The following RNF220 variants were observed in gnomAD, a reference collection of about 807,000 sequenced individuals.
RNF220 encodes the protein E3 ubiquitin-protein ligase RNF220.
In RNF220, 7 loss-of-function variants were observed where a neutral mutation model predicts 67.1. The ratio of observed to expected loss-of-function variants is 0.10; its 90% CI spans 0.06 to 0.20. The LOEUF (loss-of-function observed/expected upper bound fraction) is 0.20, where lower values mean the gene tolerates loss of function less well. Among genes scored for constraint, RNF220 ranks in the 10% least tolerant of loss-of-function variants. The pLI, the probability that RNF220 is intolerant of heterozygous loss-of-function variation, is 1.00. For synonymous variants in RNF220, 270 were observed against 283.2 expected (o/e 0.95, Z 0.47); for missense variants, 565 against 740.3 (o/e 0.76, Z 2.75).
chr1:44,501,652 A>G (rs1657892983), intron 2 of RNF220, among the ~76,000 whole-genome samples: 1 of 152,092 alleles, frequency 6.6e-6, no homozygotes, highest in Non-Finnish European at 1.5e-5. Flanking sequence ...TAAGCCAGGA[A>G]AGAATGAAGT....
chr1:44,423,352 C>T (rs1411491845), intron 2 of RNF220, among the ~76,000 whole-genome samples: 1 of 152,202 alleles, frequency 6.6e-6, no homozygotes, highest in Non-Finnish European at 1.5e-5. Context: ...TGTTCCCTGG[C>T]AGGGCCTGAG....
At chr1:44,408,362 T>G (rs1214330108) in intron 1 of RNF220, among the ~76,000 whole-genome samples, 1 of 152,218 alleles carries the variant, frequency 6.6e-6, no homozygotes, top group Non-Finnish European at 1.5e-5. Context: ...AACACAGGCG[T>G]CGGCCCTAGC....
At chr1:44,591,152 C>T (rs1269815790) in intron 2 of RNF220, among the ~76,000 whole-genome samples, 2 of 152,132 alleles carry the variant, frequency 1.3e-5, no homozygotes, top group African/African-American at 4.8e-5. Flanking sequence ...AAGGTTTCAC[C>T]ATGTTGGCCA....
At chr1:44,618,460 T>G (rs1310868716) in intron 3 of RNF220, among the ~76,000 whole-genome samples, 1 of 152,198 alleles carries the variant, frequency 6.6e-6, no homozygotes, top group Non-Finnish European at 1.5e-5. Context: ...ACTTTTCCAT[T>G]TGAGATCAGA....
chr1:44,511,051 G>A (rs1658950462), intron 2 of RNF220, among the ~76,000 whole-genome samples: 2 of 152,164 alleles, frequency 1.3e-5, no homozygotes, highest in Non-Finnish European at 2.9e-5. Context: ...GGACCTTTTG[G>A]TGAGGCAAGG....
intron 2 of RNF220, among the ~76,000 whole-genome samples, chr1:44,503,402 C>T (rs1658118028): frequency 6.6e-6 from 1 of 151,396 alleles, no homozygotes; most frequent in Non-Finnish European, 1.5e-5. Context: ...ACGTGTCCCA[C>T]CAAGCAAAAA....
chr1:44,520,128 T>TGTGTGA (rs796131470), intron 2 of RNF220, among the ~76,000 whole-genome samples: 4,092 of 113,192 alleles, frequency 0.036, 100 homozygotes, highest in South Asian at 0.062. Flanking sequence ...TGTGTGTGTG[T>TGTGTGA]GAGAGAGAGA....
At chr1:44,557,938 C>T (rs1306919654) in intron 2 of RNF220, among the ~76,000 whole-genome samples, 1 of 152,228 alleles carries the variant, frequency 6.6e-6, no homozygotes, top group Non-Finnish European at 1.5e-5. Flanking sequence ...TGCGTCTTCT[C>T]CAGGGTGGGA....
At chr1:44,597,860 G>A (rs543466573) in intron 2 of RNF220, among the ~76,000 whole-genome samples, 148 of 151,862 alleles carry the variant, frequency 9.7e-4, no homozygotes, top group South Asian at 1.9e-3. Flanking sequence ...TCCTCAGTGC[G>A]CTATCTCCAG....
intron 2 of RNF220, among the ~76,000 whole-genome samples, chr1:44,581,676 A>T (rs2148346071): frequency 1.3e-5 from 2 of 152,174 alleles, no homozygotes; most frequent in African/African-American, 4.8e-5. Flanking sequence ...TGCAAAGAGG[A>T]GGCAAAGGAC....
At chr1:44,448,775 C>T (rs1422270024) in intron 2 of RNF220, among the ~76,000 whole-genome samples, 3 of 152,012 alleles carry the variant, frequency 2.0e-5, no homozygotes, top group Admixed American at 6.5e-5. Context: ...TTTTTAAGAC[C>T]CACAATTCAA....
upstream of RNF220, among the ~76,000 whole-genome samples, chr1:44,404,839 CAG>C (rs201779496): frequency 7.4e-3 from 1,130 of 152,156 alleles, 15 homozygotes; most frequent in African/African-American, 0.026. Flanking sequence ...TGGGAAAAGA[CAG>C]AGATTTTGAG....
intron 2 of RNF220, among the ~76,000 whole-genome samples, chr1:44,524,284 C>T (rs1660182643): frequency 6.6e-6 from 1 of 152,126 alleles, no homozygotes; most frequent in African/African-American, 2.4e-5. Context: ...GATAATTAGT[C>T]CATTACGACT....
intron 1 of RNF220, among the ~76,000 whole-genome samples, chr1:44,406,615 G>A (rs1372142808): frequency 6.6e-6 from 1 of 152,232 alleles, no homozygotes; most frequent in African/African-American, 2.4e-5. Context: ...TTGTCAGCCC[G>A]GGCCGAGCGA....
intron 2 of RNF220, among the ~76,000 whole-genome samples, chr1:44,524,356 C>T (rs1558010127): frequency 6.6e-6 from 1 of 152,120 alleles, no homozygotes; most frequent in Non-Finnish European, 1.5e-5. Context: ...TGTAATTCAA[C>T]TTCCTGTGTT....
rs1450734825 is a variant in RNF220 at position 44,621,585 on chromosome 1, CT to C, written c.759-1156del. Among the ~76,000 whole-genome samples the C allele has an allele frequency of 4.6e-5, 7 of 152,200 alleles. No individual in the cohort carries two copies. The highest frequency in any genetic ancestry group is 8.8e-5 in the Non-Finnish European group (6 of 68,046). Reference sequence around the variant, plus strand: ...GGTGAACATCCCTTCCCCTTCTCCCCTGTCCCCCACTGAGAGTCACTGCTGC... The same window carrying C: ...GGTGAACATCCCTTCCCCTTCTCCCCGTCCCCCACTGAGAGTCACTGCTGC... On this transcript the variant is annotated intron_variant, in intron 3 of 14. Coordinates refer to ENST00000361799, the MANE Select transcript of RNF220 (RefSeq NM_018150.4). The surrounding 1 kb of genome is among the most constrained non-coding windows in gnomAD (Gnocchi z 4.8).
At chr1:44,555,788 T>A (rs544302728) in intron 2 of RNF220, among the ~76,000 whole-genome samples, 1 of 150,574 alleles carries the variant, frequency 6.6e-6, no homozygotes, top group African/African-American at 2.5e-5. Flanking sequence ...ATGTACCAAT[T>A]TATTTTTACC....
At chr1:44,513,054 T>A (rs1030239319) in intron 2 of RNF220, among the ~76,000 whole-genome samples, 2 of 152,200 alleles carry the variant, frequency 1.3e-5, no homozygotes, top group African/African-American at 4.8e-5. Context: ...CTTCTCTGAC[T>A]CTCTGCCCCC....
At chr1:44,543,761 G>T (rs140957781) in intron 2 of RNF220, among the ~76,000 whole-genome samples, 97 of 152,226 alleles carry the variant, frequency 6.4e-4, no homozygotes, top group African/African-American at 2.0e-3. Flanking sequence ...AACCCCAAAA[G>T]CTGGGTATCT....
Sources: gnomAD v4.1 joint callset for allele counts (sites outside exome capture counted in the v4.1 genomes callset) on GRCh38, gnomAD v4.1.1 for gene constraint, Gnocchi (gnomAD v3.1) non-coding constraint, MANE v1.5 for transcripts, NCBI Gene and HGNC (gene_info 2026-07-23, HGNC 2026-07-21) for gene names.